ZNF713: variants seen among roughly 807,000 people sequenced by gnomAD.
ZNF713 encodes zinc finger protein 713.
In ZNF713, 21 loss-of-function variants were observed where a neutral mutation model predicts 28.7. The ratio of observed to expected loss-of-function variants is 0.73; its 90% CI spans 0.52 to 1.05. The LOEUF (loss-of-function observed/expected upper bound fraction) is 1.05, where lower values mean the gene tolerates loss of function less well. Among genes scored for constraint, ZNF713 ranks in the 50% least tolerant of loss-of-function variants. The pLI, the probability that ZNF713 is intolerant of heterozygous loss-of-function variation, is 0.00. For synonymous variants in ZNF713, 167 were observed against 178.0 expected (o/e 0.94, Z 0.49); for missense variants, 458 against 532.4 (o/e 0.86, Z 1.37).
rs367704177 is a variant in ZNF713, at chr7:55,901,160, G to A, written c.-582-5093G>A. On this transcript the variant is annotated intron_variant, in intron 1 of 6. Transcript: ENST00000429591. Reference sequence around the variant, plus strand: ...AATTTACAAAAGAAAGAGGTTTAATGGATTTACAGTTCTGAGTGGCTGGGG... The same window carrying A: ...AATTTACAAAAGAAAGAGGTTTAATAGATTTACAGTTCTGAGTGGCTGGGG... 3.3e-5 allele frequency among the ~76,000 whole-genome samples: 5 copies of A among 152,316 alleles called. No individual in the cohort carries two copies. In the East Asian group the frequency reaches 7.7e-4, roughly 23 times the overall value.
Position 55,941,805 on chromosome 7 carries a change from T to C in ZNF713, c.*1799T>C, listed in dbSNP as rs956124788. The C allele has an allele frequency of 6.6e-6, 1 of 152,068 alleles. No individual in the cohort carries two copies. Among genetic ancestry groups the C allele is most frequent in the Non-Finnish European group, 1.5e-5 (1 of 67,992 alleles). The allele number at this position is 152,068 out of a possible 1,614,324, so 9.4% of individuals were successfully genotyped here. ...TTGTGTGCCGTTGTTTGAGAAACAG[T>C]GTGATAGTTTGTGGCAATATCCTGT... On this transcript the variant is annotated 3_prime_UTR_variant, in exon 7 of 7. Coordinates refer to ENST00000429591, the MANE Select transcript of ZNF713 (RefSeq NM_182633.3).
chr7:55,890,587 T>A (rs937276356), intron 1 of ZNF713, among the ~76,000 whole-genome samples: 31 of 151,936 alleles, frequency 2.0e-4, no homozygotes, highest in African/African-American at 7.3e-4. Flanking sequence ...TCAAAATGAG[T>A]TGAAAATTCT....
chr7:55,895,294 T>TA (rs1785453497), intron 1 of ZNF713, among the ~76,000 whole-genome samples: 1 of 152,056 alleles, frequency 6.6e-6, no homozygotes, highest in Non-Finnish European at 1.5e-5. Context: ...ATTGATTAGA[T>TA]AGAGAGCCTA....
chr7:55,934,995 T>C (rs1164523594), intron 6 of ZNF713, among the ~76,000 whole-genome samples: 3 of 151,684 alleles, frequency 2.0e-5, no homozygotes, highest in Non-Finnish European at 4.4e-5. Context: ...TTCAAGTGAT[T>C]CTCCTGCCTC....
intron 4 of ZNF713, among the ~76,000 whole-genome samples, chr7:55,921,651 G>A (rs1053701185): frequency 1.3e-5 from 2 of 152,290 alleles, no homozygotes; most frequent in Non-Finnish European, 1.5e-5. Context: ...AAGATGTGGT[G>A]GAATTGCTGC....
At chr7:55,931,367 C>T (rs1562748007) in intron 6 of ZNF713, among the ~76,000 whole-genome samples, 1 of 151,920 alleles carries the variant, frequency 6.6e-6, no homozygotes, top group African/African-American at 2.4e-5. Context: ...CATTTTCTGT[C>T]TTTTTTTAGC....
chr7:55,894,727 A>C (rs748073749), intron 1 of ZNF713, among the ~76,000 whole-genome samples: 1 of 152,204 alleles, frequency 6.6e-6, no homozygotes, highest in Non-Finnish European at 1.5e-5. Context: ...AGCAAGCAAG[A>C]AAGAAAACAA....
intron 4 of ZNF713, among the ~76,000 whole-genome samples, chr7:55,917,470 C>T (rs1056718805): frequency 5.3e-5 from 8 of 152,020 alleles, no homozygotes; most frequent in South Asian, 2.1e-4. Flanking sequence ...GAGGCTGAGG[C>T]AGGCTGATCA....
intron 5 of ZNF713, 101 bp from the exon 6 acceptor site, chr7:55,923,506 T>G: frequency 8.7e-7 from 1 of 1,147,830 alleles, no homozygotes; most frequent in Non-Finnish European, 1.2e-6. Flanking sequence ...GCCTCTGAAG[T>G]CTCCCCTCCA....
Position 55,923,276 on chromosome 7 carries a change from C to G in ZNF713, c.202C>G (p.Leu68Val), listed in dbSNP as rs1256093146. The G allele has an allele frequency of 1.9e-6, 3 of 1,612,136 alleles. No homozygotes were observed. The highest frequency in any genetic ancestry group is 2.5e-6 in the Non-Finnish European group (3 of 1,179,326). Residue 68 changes from leucine (L) to valine (V), a missense_variant, in exon 5 of 7, where the codon CTA (leucine) becomes GTA (valine). By Grantham distance (32) the Leu-to-Val change is conservative. Coordinates refer to ENST00000429591, the MANE Select transcript of ZNF713 (RefSeq NM_182633.3). ...CGTGATGCTGGAGAACTACAGGAAT[C>G]TAGTTGCACTGGGTGAGGATGGCAT... ...RDVMLENYRN[L>V]VALGYQLCKP...
At chr7:55,894,523 T>G (rs1003576666) in intron 1 of ZNF713, among the ~76,000 whole-genome samples, 1 of 152,228 alleles carries the variant, frequency 6.6e-6, no homozygotes, top group Non-Finnish European at 1.5e-5. Context: ...TGTTTATGTA[T>G]TTCAAAAGAA....
intron 4 of ZNF713, among the ~76,000 whole-genome samples, chr7:55,919,489 A>AGTTTT (rs1785944036): frequency 1.7e-5 from 1 of 60,226 alleles, no homozygotes; most frequent in Non-Finnish European, 3.7e-5. Flanking sequence ...TAAACACTCC[A>AGTTTT]GTTTTTTTTT....
intron 1 of ZNF713, among the ~76,000 whole-genome samples, chr7:55,894,332 T>G (rs1785436939): frequency 6.6e-6 from 1 of 152,210 alleles, no homozygotes. Context: ...CCCTTTACTT[T>G]ATACTACCTT....
chr7:55,939,626 G>A lies in ZNF713; in HGVS notation c.952G>A (p.Gly318Arg), dbSNP rs144627071. Residue 318 changes from glycine to arginine, a missense_variant, in exon 7 of 7, where the codon GGA (glycine) becomes AGA (arginine). Coordinates refer to ENST00000429591, the MANE Select transcript of ZNF713 (RefSeq NM_182633.3). ...AGGAGAAAAGCCTTTTATATGCAATGGATGTGGGAAAGCCTTCCGTCAGCA... is the reference window on the plus strand; with the variant it reads ...AGGAGAAAAGCCTTTTATATGCAATAGATGTGGGAAAGCCTTCCGTCAGCA... ...HTGEKPFICNGCGKAFRQHSS... is the reference protein window; with the variant it reads ...HTGEKPFICNRCGKAFRQHSS... 1.0e-4 allele frequency: 162 copies of A among 1,614,034 alleles called. 1 individual carries two copies. Among genetic ancestry groups the A allele is most frequent in the Non-Finnish European group, 1.1e-4 (127 of 1,180,044 alleles).
At chr7:55,923,085 C>G (rs1786023610) in intron 4 of ZNF713, 77 bp from the exon 5 acceptor site, 3 of 1,483,190 alleles carry the variant, frequency 2.0e-6, no homozygotes, top group African/African-American at 1.4e-5. Context: ...TAACCTGGTG[C>G]TACACTTTCA....
intron 1 of ZNF713, among the ~76,000 whole-genome samples, chr7:55,896,735 T>C (rs780229043): frequency 6.6e-6 from 1 of 152,018 alleles, no homozygotes; most frequent in Non-Finnish European, 1.5e-5. Flanking sequence ...GATACCCCAG[T>C]AGCAATAAGC....
rs1786413313 is a variant in ZNF713, at chr7:55,939,169, A to G, written c.495A>G (p.Gly165=). The G allele has an allele frequency of 1.2e-6, 2 of 1,613,998 alleles. No homozygotes were observed. Among genetic ancestry groups the G allele is most frequent in the African/African-American group, 2.7e-5 (2 of 75,038 alleles). ...FNQENHKRYL[G]QVTLTHKKIT... ...AAGAAAACCACAAGAGATATTTAGG[A>G]CAAGTAACTTTGACCCACAAAAAGA... is the stretch of plus-strand genomic sequence containing the variant. The change falls in exon 7 of 7, where the codon GGA becomes GGG. Residue 165 remains glycine, a synonymous_variant. Transcript: ENST00000429591.
chr7:55,922,388 T>C (rs1363876534), intron 4 of ZNF713, among the ~76,000 whole-genome samples: 2 of 151,894 alleles, frequency 1.3e-5, no homozygotes, highest in East Asian at 1.9e-4. Context: ...ACCAAAAATA[T>C]ATAGCTGGGC....
At chr7:55,938,786 G>A (rs1033951275) in intron 6 of ZNF713, among the ~76,000 whole-genome samples, 196 bp from the exon 7 acceptor site, 3 of 152,072 alleles carry the variant, frequency 2.0e-5, no homozygotes, top group Non-Finnish European at 2.9e-5. Context: ...ATTTCCCCCT[G>A]CTCCTTGCTT....
Sources: allele counts gnomAD v4.1 joint callset (sites outside exome capture counted in the v4.1 genomes callset), GRCh38; gene constraint gnomAD v4.1.1; transcripts MANE v1.5; gene names NCBI Gene and HGNC (gene_info 2026-07-23, HGNC 2026-07-21).